The following PARD3B variants were observed in gnomAD, a reference collection of about 807,000 sequenced individuals.
PARD3B encodes the protein par-3 family cell polarity regulator beta, also known as partitioning defective 3 homolog B.
In PARD3B, 103 loss-of-function variants were observed where a neutral mutation model predicts 130.2. That is an observed-to-expected ratio of 0.79 (90% CI 0.67 to 0.93). The LOEUF is 0.93. Among genes scored for constraint, PARD3B ranks in the 40% least tolerant of loss-of-function variants. The pLI is 0.00. For synonymous variants in PARD3B, 583 were observed against 553.2 expected (o/e 1.05, Z -0.76); for missense variants, 1,609 against 1,499.2 (o/e 1.07, Z -1.21).
At chr2:205,430,154 G>A (rs1465918987) in intron 19 of PARD3B, among the ~76,000 whole-genome samples, 3 of 152,104 alleles carry the variant, frequency 2.0e-5, no homozygotes, top group East Asian at 1.9e-4. Context: ...AATTTCCCTC[G>A]ATATATAAGT....
At chr2:205,110,713 T>C (rs952587413) in intron 5 of PARD3B, among the ~76,000 whole-genome samples, 2 of 151,798 alleles carry the variant, frequency 1.3e-5, no homozygotes, top group Admixed American at 6.6e-5. Context: ...TCATTTTCTG[T>C]ATTTTCCATT....
intron 2 of PARD3B, among the ~76,000 whole-genome samples, chr2:204,739,200 G>A (rs911832700): frequency 4.6e-5 from 7 of 152,164 alleles, no homozygotes; most frequent in African/African-American, 1.7e-4. Context: ...AAATGTGTGT[G>A]TTGGTTTTCT....
At chr2:204,829,305 A>T (rs536642298) in intron 2 of PARD3B, among the ~76,000 whole-genome samples, 1 of 152,208 alleles carries the variant, frequency 6.6e-6, no homozygotes, top group Non-Finnish European at 1.5e-5. Flanking sequence ...CTTCATGTAA[A>T]GTGGCATTAT....
chr2:205,112,474 C>T (rs1703712927), intron 5 of PARD3B, among the ~76,000 whole-genome samples: 2 of 152,090 alleles, frequency 1.3e-5, no homozygotes. Context: ...CAATTTGGAG[C>T]AGAAAGCATT....
intron 15 of PARD3B, among the ~76,000 whole-genome samples, chr2:205,212,047 G>A (rs1254619978): frequency 2.0e-5 from 3 of 152,110 alleles, no homozygotes; most frequent in Non-Finnish European, 4.4e-5. Flanking sequence ...ATAAGTAGAT[G>A]TCAGGTAAAT....
intron 3 of PARD3B, among the ~76,000 whole-genome samples, chr2:204,977,844 G>A (rs965729894): frequency 6.6e-6 from 1 of 150,848 alleles, no homozygotes; most frequent in Admixed American, 6.6e-5. Context: ...AGAATAGGGA[G>A]CCTTTACCAG....
Position 205,545,631 on chromosome 2 carries a change from A to G in PARD3B, c.3181-7693A>G, listed in dbSNP as rs80346967. Reference sequence around the variant, plus strand: ...TATTGCAACTTTGCTTGGCCTCTCCATCACAGCAGCTTTTTAATTTCCTCA... The same window carrying G: ...TATTGCAACTTTGCTTGGCCTCTCCGTCACAGCAGCTTTTTAATTTCCTCA... On this transcript the variant is annotated intron_variant, in intron 21 of 22. Coordinates refer to ENST00000406610, the MANE Select transcript of PARD3B (RefSeq NM_001302769.2). Among the ~76,000 whole-genome samples, 1,436 of 152,314 alleles carry G rather than the reference A, an allele frequency of 9.4e-3. 12 individuals are homozygous for G. Among genetic ancestry groups the G allele is most frequent in the Non-Finnish European group, 0.016 (1,117 of 68,020 alleles).
chr2:204,668,000 G>C (rs1323789109), intron 1 of PARD3B, among the ~76,000 whole-genome samples: 2 of 152,124 alleles, frequency 1.3e-5, no homozygotes, highest in Non-Finnish European at 2.9e-5. Flanking sequence ...AGAAAGCAGG[G>C]GATCATTTGA....
intron 18 of PARD3B, among the ~76,000 whole-genome samples, chr2:205,378,175 G>A (rs2105925849): frequency 6.6e-6 from 1 of 152,198 alleles, no homozygotes; most frequent in South Asian, 2.1e-4. Context: ...TCCTTTGCAG[G>A]GGGACCAAGG....
intron 2 of PARD3B, among the ~76,000 whole-genome samples, chr2:204,879,148 C>A (rs1157813560): frequency 6.6e-6 from 1 of 152,112 alleles, no homozygotes; most frequent in Non-Finnish European, 1.5e-5. Flanking sequence ...TCTGTAATGA[C>A]CATTCAAGTT....
chr2:204,945,047 A>T (rs1458937714), intron 2 of PARD3B, among the ~76,000 whole-genome samples: 2 of 152,242 alleles, frequency 1.3e-5, no homozygotes, highest in African/African-American at 4.8e-5. Flanking sequence ...CCATTTTTGC[A>T]TAGTGTGTCT....
chr2:205,150,402 T>C (rs1335373777), intron 10 of PARD3B, among the ~76,000 whole-genome samples: 1 of 152,112 alleles, frequency 6.6e-6, no homozygotes, highest in Non-Finnish European at 1.5e-5. Context: ...TTTATACCCA[T>C]TTCCATTTTG....
intron 22 of PARD3B, among the ~76,000 whole-genome samples, chr2:205,608,349 C>A (rs1364908102): frequency 6.6e-6 from 1 of 152,072 alleles, no homozygotes; most frequent in Non-Finnish European, 1.5e-5. Flanking sequence ...ATTCTAGGAC[C>A]ACAGTTACAA....
intron 2 of PARD3B, among the ~76,000 whole-genome samples, chr2:204,791,448 G>A (rs1199890450): frequency 6.6e-6 from 1 of 152,062 alleles, no homozygotes; most frequent in Non-Finnish European, 1.5e-5. Context: ...AAACATTGGT[G>A]GTTTACAGAA....
intron 22 of PARD3B, among the ~76,000 whole-genome samples, chr2:205,602,345 G>A (rs1202592051): frequency 2.0e-5 from 3 of 152,128 alleles, no homozygotes; most frequent in African/African-American, 7.2e-5. Context: ...TCCTCTTTTT[G>A]TTGCATCTCT....
intron 4 of PARD3B, among the ~76,000 whole-genome samples, chr2:205,048,763 C>A (rs1156917549): frequency 1.3e-5 from 2 of 152,004 alleles, no homozygotes; most frequent in African/African-American, 4.8e-5. Context: ...AGATTTGTGG[C>A]AATATTTTGG....
At position 205,345,896 on chromosome 2, in the gene PARD3B, T is replaced by C. The variant is rs376616138; in HGVS notation, c.2630+44195T>C. ...AATAAAAAAAGAAGATGCAGCTGGG[T>C]GTGGTGGCTCACGCCTGTAATCCCA... On this transcript the variant is annotated intron_variant, in intron 18 of 22. Transcript: ENST00000406610. Among the ~76,000 whole-genome samples the C allele has an allele frequency of 4.9e-5, 3 of 61,018 alleles. 1 individual carries two copies. The highest frequency in any genetic ancestry group is 5.0e-5 in the Non-Finnish European group (1 of 19,822). The allele number at this position is 61,018 out of a possible 152,430, so 40.0% of individuals were successfully genotyped here.
intron 1 of PARD3B, among the ~76,000 whole-genome samples, chr2:204,557,587 A>G (rs141638872): frequency 2.2e-4 from 33 of 152,256 alleles, no homozygotes; most frequent in African/African-American, 7.7e-4. Context: ...AACTTTGTCA[A>G]ATTCCACATT....
At chr2:205,106,126 T>C (rs575134508) in intron 5 of PARD3B, among the ~76,000 whole-genome samples, 25 of 151,642 alleles carry the variant, frequency 1.6e-4, no homozygotes, top group African/African-American at 6.0e-4. Flanking sequence ...TAAAAATATA[T>C]ATATTCTTTT....
Sources: gnomAD v4.1 joint callset for allele counts (sites outside exome capture counted in the v4.1 genomes callset) on GRCh38, gnomAD v4.1.1 for gene constraint, MANE v1.5 for transcripts, NCBI Gene and HGNC (gene_info 2026-07-23, HGNC 2026-07-21) for gene names.